Variants in NAALADL2 observed in about 807,000 individuals in gnomAD.
NAALADL2 encodes N-acetylated alpha-linked acidic dipeptidase like 2.
In NAALADL2, 76 loss-of-function variants were observed where a neutral mutation model predicts 87.2. The observed-to-expected ratio is 0.87, with a 90% CI of 0.72 to 1.05. The LOEUF (loss-of-function observed/expected upper bound fraction) is 1.05, where lower values mean the gene tolerates loss of function less well. Ranked by LOEUF, NAALADL2 falls within the 50% of genes least tolerant of loss-of-function variation. The pLI, the probability that NAALADL2 is intolerant of heterozygous loss-of-function variation, is 0.00. For synonymous variants in NAALADL2, 354 were observed against 331.0 expected, an observed-to-expected ratio of 1.07 and a Z score of -0.75; for missense variants, 1,089 against 945.8, an observed-to-expected ratio of 1.15 and a Z score of -1.99.
chr3:175,233,650 T>C (rs1251048211), intron 2 of NAALADL2, among the ~76,000 whole-genome samples: 1 of 152,158 alleles, frequency 6.6e-6, no homozygotes, highest in African/African-American at 2.4e-5. Context: ...GTCGCTATGT[T>C]GCCCTGGCTA....
intron 9 of NAALADL2, among the ~76,000 whole-genome samples, chr3:175,514,661 T>A (rs539993888): frequency 6.6e-6 from 1 of 152,164 alleles, no homozygotes. Flanking sequence ...CAGCGGTGTG[T>A]TGTCTTTGAG....
intron 3 of NAALADL2, among the ~76,000 whole-genome samples, chr3:174,795,624 A>G (rs966483343): frequency 1.3e-5 from 2 of 152,192 alleles, no homozygotes; most frequent in East Asian, 3.8e-4. Context: ...ACAGTTGTCA[A>G]AAGTGGTTCT....
intron 1 of NAALADL2, among the ~76,000 whole-genome samples, chr3:174,441,888 G>C (rs1190767250): frequency 2.6e-5 from 4 of 152,078 alleles, no homozygotes; most frequent in African/African-American, 7.2e-5. Context: ...ATCCTGAGGA[G>C]TGTAAAGGAT....
chr3:174,460,650 A>G (rs990005298), intron 1 of NAALADL2, among the ~76,000 whole-genome samples: 9 of 151,920 alleles, frequency 5.9e-5, no homozygotes, highest in African/African-American at 1.9e-4. Flanking sequence ...TGCTTTTTCA[A>G]CATATAGAGA....
chr3:175,437,899 TG>T (rs1264838132), intron 5 of NAALADL2, among the ~76,000 whole-genome samples: 3 of 152,096 alleles, frequency 2.0e-5, no homozygotes, highest in African/African-American at 7.2e-5. Context: ...ATATAACTGT[TG>T]TTATGACACA....
At chr3:174,831,119 C>T (rs1722627784) in intron 3 of NAALADL2, among the ~76,000 whole-genome samples, 1 of 151,946 alleles carries the variant, frequency 6.6e-6, no homozygotes, top group South Asian at 2.1e-4. Flanking sequence ...TGCCTAACTG[C>T]CCTGGCCAGA....
chr3:174,456,641 G>A (rs1459545086), intron 1 of NAALADL2, among the ~76,000 whole-genome samples: 1 of 152,024 alleles, frequency 6.6e-6, no homozygotes, highest in Admixed American at 6.6e-5. Flanking sequence ...TTTGGGAAAG[G>A]TGCTGGGATA....
chr3:175,206,383 A>G (rs1740925533), intron 2 of NAALADL2, among the ~76,000 whole-genome samples: 1 of 150,568 alleles, frequency 6.6e-6, no homozygotes. Context: ...CTATTCAGCC[A>G]TAAAAATGAA....
chr3:175,472,771 T>G (rs1395270896), intron 9 of NAALADL2, among the ~76,000 whole-genome samples: 1 of 152,170 alleles, frequency 6.6e-6, no homozygotes, highest in Non-Finnish European at 1.5e-5. Context: ...TTCTGTACAT[T>G]TAAAATCAGC....
intron 2 of NAALADL2, among the ~76,000 whole-genome samples, chr3:175,104,809 A>C (rs143062956): frequency 6.6e-6 from 1 of 152,116 alleles, no homozygotes; most frequent in African/African-American, 2.4e-5. Flanking sequence ...ACAAATGTAC[A>C]TTGTCTGAAG....
At chr3:174,766,408 G>A (rs751425679) in intron 3 of NAALADL2, among the ~76,000 whole-genome samples, 18 of 152,148 alleles carry the variant, frequency 1.2e-4, no homozygotes, top group Non-Finnish European at 2.1e-4. Flanking sequence ...TCAGTGTATC[G>A]CTCAGGCTCT....
chr3:175,269,245 T>G (rs937201152), intron 4 of NAALADL2, among the ~76,000 whole-genome samples: 11 of 152,114 alleles, frequency 7.2e-5, no homozygotes, highest in Non-Finnish European at 1.5e-5. Context: ...GACCAAAATT[T>G]ATTTTATATA....
intron 4 of NAALADL2, among the ~76,000 whole-genome samples, chr3:175,291,178 C>A (rs932718814): frequency 6.6e-6 from 1 of 152,104 alleles, no homozygotes; most frequent in Admixed American, 6.5e-5. Context: ...AATAAATTCA[C>A]ATATGTTTCT....
chr3:175,354,881 T>TATAC (rs1553872126), intron 5 of NAALADL2, among the ~76,000 whole-genome samples: 22,147 of 146,860 alleles, frequency 0.15, 1,736 homozygotes, highest in Middle Eastern at 0.2. Context: ...TACATATATA[T>TATAC]ACACACACAC....
intron 2 of NAALADL2, among the ~76,000 whole-genome samples, chr3:174,726,566 G>C (rs771282502): frequency 5.9e-5 from 9 of 151,656 alleles, no homozygotes; most frequent in Admixed American, 1.3e-4. Flanking sequence ...AGCCCATTCC[G>C]AATCCCAGCC....
chr3:175,228,769 C>A (rs1186192980), intron 2 of NAALADL2, among the ~76,000 whole-genome samples: 1 of 151,726 alleles, frequency 6.6e-6, no homozygotes, highest in Non-Finnish European at 1.5e-5. Flanking sequence ...GAGAGTAGAT[C>A]GAGAAGGAAG....
intron 2 of NAALADL2, among the ~76,000 whole-genome samples, chr3:174,567,172 G>A (rs913716046): frequency 6.6e-6 from 1 of 151,346 alleles, no homozygotes; most frequent in African/African-American, 2.4e-5. Flanking sequence ...AGATATTCTG[G>A]TTGGACATGA....
chr3:175,666,111 C>A (rs1056772473), intron 11 of NAALADL2, among the ~76,000 whole-genome samples: 3 of 152,118 alleles, frequency 2.0e-5, no homozygotes, highest in Non-Finnish European at 4.4e-5. Flanking sequence ...ATCTAGATCT[C>A]CTGAATCCAA....
At chr3:175,121,902 A>G (rs1293602374) in intron 2 of NAALADL2, among the ~76,000 whole-genome samples, 1 of 151,778 alleles carries the variant, frequency 6.6e-6, no homozygotes. Context: ...ACAAGCTTCT[A>G]CCACTTTTTA....
Sources: gnomAD v4.1 joint callset for allele counts (sites outside exome capture counted in the v4.1 genomes callset) on GRCh38, gnomAD v4.1.1 for gene constraint, MANE v1.5 for transcripts, NCBI Gene and HGNC (gene_info 2026-07-23, HGNC 2026-07-21) for gene names.